IKBKB: variants seen among roughly 807,000 people sequenced by gnomAD.
The protein encoded by IKBKB is inhibitor of nuclear factor kappa-B kinase subunit beta.
In IKBKB, 42 loss-of-function variants were observed where a neutral mutation model predicts 113.6. That is an observed-to-expected ratio of 0.37 (90% CI 0.29 to 0.48). The LOEUF is 0.48. Among genes scored for constraint, IKBKB ranks in the 20% least tolerant of loss-of-function variants. The pLI, the probability that IKBKB is intolerant of heterozygous loss-of-function variation, is 0.99. For missense variants in IKBKB, 673 were observed against 939.7 expected, an observed-to-expected ratio of 0.72 and a Z score of 3.71; for synonymous variants, 296 against 361.3, an observed-to-expected ratio of 0.82 and a Z score of 2.05.
rs146629851 is a variant in IKBKB at position 42,316,113 on chromosome 8, G to A, written c.801-97G>A. Reference sequence around the variant, plus strand: ...AAACCCATTTTCATTTTCAATCACCGTCTACTGGCTGCCGTCTGTGTGTAT... The same window carrying A: ...AAACCCATTTTCATTTTCAATCACCATCTACTGGCTGCCGTCTGTGTGTAT... On this transcript the variant is annotated intron_variant, in intron 9 of 21. Transcript: ENST00000520810. The surrounding 1 kb of genome is among the most constrained non-coding windows in gnomAD (Gnocchi z 4.5). 1.0e-5 allele frequency: 14 copies of A among 1,342,192 alleles called. No individual in the cohort carries two copies. Among genetic ancestry groups the A allele is most frequent in the African/African-American group, 1.0e-4 (7 of 68,708 alleles). 83.1% of individuals were successfully genotyped at this position (1,342,192 alleles called of 1,614,324 possible). A position where few individuals can be genotyped will look rare whatever the true frequency, so the allele number is the denominator to read the frequency against.
Position 42,322,458 on chromosome 8 carries a change from G to A in IKBKB, c.1950G>A (p.Arg650=). The part of the protein sequence containing the change: ...EKTVVRLQEK[R]QKELWNLLKI... ...CTGTTGTCCGGCTGCAGGAGAAGCGGCAGAAGGAGCTCTGGAATCTCCTGA... is the reference window on the plus strand; with the variant it reads ...CTGTTGTCCGGCTGCAGGAGAAGCGACAGAAGGAGCTCTGGAATCTCCTGA... Residue 650 remains arginine (R), a synonymous_variant, in exon 19 of 22, where the codon CGG becomes CGA. Transcript: ENST00000520810. The A allele has an allele frequency of 6.2e-7, 1 of 1,614,064 alleles. No individual in the cohort carries two copies. The highest frequency in any genetic ancestry group is 2.2e-5 in the East Asian group (1 of 44,848).
At chr8:42,273,788 A>G (rs1026550257) in intron 2 of IKBKB, among the ~76,000 whole-genome samples, 3 of 151,988 alleles carry the variant, frequency 2.0e-5, no homozygotes, top group African/African-American at 7.3e-5. Flanking sequence ...CTTGGCCTCA[A>G]GTGATCTTCC....
rs1814876696 is a variant in IKBKB, at chr8:42,300,160, C to T, written c.389-5027C>T. On this transcript the variant is annotated intron_variant, in intron 5 of 21. Coordinates refer to ENST00000520810, the MANE Select transcript of IKBKB (RefSeq NM_001556.3). ...TTGAAGGCTATTTTAGCCAAGTAAC[C>T]TTTAGCCAGACTCAGTCTCTCTCCC... Among the ~76,000 whole-genome samples, 4 of 152,282 alleles carry T rather than the reference C, an allele frequency of 2.6e-5. 1 individual carries two copies. The South Asian group carries it at 8.3e-4, about 32-fold the overall frequency.
chr8:42,283,018 C>T (rs1810675077), intron 2 of IKBKB, among the ~76,000 whole-genome samples: 1 of 152,140 alleles, frequency 6.6e-6, no homozygotes. Context: ...CCAGTTATTT[C>T]AAGACTTGTT....
At position 42,319,634 on chromosome 8, in the gene IKBKB, G is replaced by T. The variant is rs767611860; in HGVS notation, c.1566G>T (p.Glu522Asp). The change falls in exon 15 of 22, where the codon GAG (glutamate) becomes GAT (aspartate). Residue 522 changes from glutamate to aspartate, a missense_variant. By Grantham distance (45) the Glu-to-Asp change is conservative (BLOSUM62 2). Coordinates refer to ENST00000520810, the MANE Select transcript of IKBKB (RefSeq NM_001556.3). ...LAWREMEQAV[E>D]LCGRENEVKL... is the part of the protein sequence containing the mutation. ...GGAGGGAAATGGAGCAGGCTGTGGA[G>T]CTCTGTGGGCGGGTAGGAGACTCAT... 8.8e-6 allele frequency: 14 copies of T among 1,591,206 alleles called. No homozygotes were observed. The South Asian group carries it at 1.3e-4, about 14-fold the overall frequency.
In IKBKB at chr8:42,272,011, C is replaced by T. The variant is rs17875658; in HGVS notation, c.-18-72C>T. On this transcript the variant is annotated intron_variant, in intron 1 of 21. Coordinates refer to ENST00000520810, the MANE Select transcript of IKBKB (RefSeq NM_001556.3). ...CATTCAAGAGCAGTGGTATCTCTTG[C>T]CTTCTCCATCCCTTTGAGCTCCATT... The T allele has an allele frequency of 2.7e-3, 3,332 of 1,250,036 alleles. 77 individuals are homozygous for T. In the African/African-American group the frequency reaches 0.046, roughly 17 times the overall value. The allele number at this position is 1,250,036 out of a possible 1,614,324, so 77.4% of individuals were successfully genotyped here. A position where few individuals can be genotyped will look rare whatever the true frequency, so the allele number is the denominator to read the frequency against.
Position 42,330,902 on chromosome 8 carries a change from G to T in IKBKB, c.2206-12G>T. Reference sequence around the variant, plus strand: ...TGGCTGTTGTTTTTTTAACATGTCTGTTGACTTTCAGGCCCTAGACTGGAG... The same window carrying T: ...TGGCTGTTGTTTTTTTAACATGTCTTTTGACTTTCAGGCCCTAGACTGGAG... On this transcript the variant is annotated splice_polypyrimidine_tract_variant and intron_variant, in intron 21 of 21. Coordinates refer to ENST00000520810, the MANE Select transcript of IKBKB (RefSeq NM_001556.3). 1 of 1,614,218 alleles carries T rather than the reference G, an allele frequency of 6.2e-7. No individual in the cohort carries two copies. Among genetic ancestry groups the T allele is most frequent in the Non-Finnish European group, 8.5e-7 (1 of 1,180,026 alleles).
intron 9 of IKBKB, among the ~76,000 whole-genome samples, chr8:42,314,671 A>T (rs1818339733): frequency 1.3e-5 from 2 of 151,838 alleles, no homozygotes; most frequent in Admixed American, 1.3e-4. Flanking sequence ...GCTACTCAGG[A>T]GGCTAAGGCA....
intron 2 of IKBKB, among the ~76,000 whole-genome samples, chr8:42,276,789 G>A (rs1809197490): frequency 6.6e-6 from 1 of 151,174 alleles, no homozygotes; most frequent in Non-Finnish European, 1.5e-5. Context: ...CTATCTCCTG[G>A]GTTCAAGCGA....
chr8:42,272,522 A>T, intron 2 of IKBKB: 1 of 411,576 alleles, frequency 2.4e-6, no homozygotes, highest in East Asian at 3.6e-5. Context: ...AACATATAGA[A>T]ATAGGAAAAT....
At chr8:42,314,291 T>C (rs761296810) in intron 8 of IKBKB, 31 bp from the exon 9 acceptor site, 3 of 1,459,098 alleles carry the variant, frequency 2.1e-6, no homozygotes, top group Admixed American at 1.7e-5. Context: ...TAGCAACGTG[T>C]GACTGCACCT....
chr8:42,330,083 A>G (rs1267251422), intron 21 of IKBKB: 1 of 985,270 alleles, frequency 1.0e-6, no homozygotes, highest in Non-Finnish European at 1.2e-6. Context: ...TGTGGGAGGA[A>G]GAGGAAGTCT....
chr8:42,325,139 G>T, intron 19 of IKBKB: 1 of 779,184 alleles, frequency 1.3e-6, no homozygotes, highest in Non-Finnish European at 1.6e-6. Context: ...GATCAGCAGA[G>T]GGGTGACCTG....
intron 4 of IKBKB, among the ~76,000 whole-genome samples, chr8:42,293,201 A>G (rs1377874077): frequency 6.6e-6 from 1 of 152,132 alleles, no homozygotes; most frequent in Admixed American, 6.5e-5. Context: ...CTCACCTCAG[A>G]GGCCCCTTGC....
chr8:42,315,516 A>G (rs1268912821), intron 9 of IKBKB, among the ~76,000 whole-genome samples: 1 of 152,162 alleles, frequency 6.6e-6, no homozygotes, highest in African/African-American at 2.4e-5. Context: ...CAGGCTCTGC[A>G]GGGCCAGGGG....
intron 3 of IKBKB, among the ~76,000 whole-genome samples, chr8:42,289,058 T>C (rs986016130): frequency 5.3e-5 from 8 of 151,972 alleles, no homozygotes; most frequent in African/African-American, 1.9e-4. Context: ...CTACTAAAAA[T>C]ACAAAAAATT....
At chr8:42,287,414 C>T (rs1229513726) in intron 2 of IKBKB, among the ~76,000 whole-genome samples, 1 of 152,276 alleles carries the variant, frequency 6.6e-6, no homozygotes, top group Non-Finnish European at 1.5e-5. Flanking sequence ...GAAGGAATTA[C>T]CTGTTACAGG....
chr8:42,321,230 A>G, intron 16 of IKBKB: 1 of 170,626 alleles, frequency 5.9e-6, no homozygotes, highest in Non-Finnish European at 1.3e-5. Flanking sequence ...GAGGCTTAGG[A>G]GTTTGGACCT....
Position 42,271,477 on chromosome 8 carries a change from C to T in IKBKB, c.-19+8C>T, listed in dbSNP as rs761298619. 499 of 1,188,000 alleles carry T rather than the reference C, an allele frequency of 4.2e-4. 2 individuals are homozygous for T. Among genetic ancestry groups the T allele is most frequent in the Non-Finnish European group, 2.2e-4 (187 of 849,604 alleles). 73.6% of individuals were successfully genotyped at this position (1,188,000 alleles called of 1,614,324 possible). A position where few individuals can be genotyped will look rare whatever the true frequency, so the allele number is the denominator to read the frequency against. On this transcript the variant is annotated splice_region_variant and intron_variant, in intron 1 of 21. Transcript: ENST00000520810. ...CCGCGTCCCTGCCGACAGGTGAGTC[C>T]CCCTCGTGGGTGCGGCCCGGGTGCC...
Sources: allele counts gnomAD v4.1 joint callset (sites outside exome capture counted in the v4.1 genomes callset), GRCh38; gene constraint gnomAD v4.1.1; non-coding constraint Gnocchi (gnomAD v3.1); transcripts MANE v1.5; gene names NCBI Gene and HGNC (gene_info 2026-07-23, HGNC 2026-07-21).